Variants in DLC1 observed in about 807,000 individuals in gnomAD.
DLC1 encodes rho GTPase-activating protein 7.
In DLC1, 54 loss-of-function variants were observed where a neutral mutation model predicts 140.3. The ratio of observed to expected loss-of-function variants is 0.38; its 90% confidence interval spans 0.31 to 0.48. The LOEUF is 0.48. Among genes scored for constraint, DLC1 ranks in the 20% least tolerant of loss-of-function variants. The pLI, the probability that DLC1 is intolerant of heterozygous loss-of-function variation, is 0.96. For synonymous variants in DLC1, 986 were observed against 728.1 expected, an observed-to-expected ratio of 1.35 and a Z score of -5.70; for missense variants, 2,536 against 1,907.0, an observed-to-expected ratio of 1.33 and a Z score of -6.14.
intron 1 of DLC1, among the ~76,000 whole-genome samples, chr8:13,544,197 AAC>A (rs3988455): frequency 0.023 from 3,357 of 144,542 alleles, 39 homozygotes; most frequent in African/African-American, 0.032. Flanking sequence ...CACACACACA[AAC>A]ACACACACAC....
At chr8:13,461,687 C>T (rs968153071) in intron 2 of DLC1, among the ~76,000 whole-genome samples, 11 of 152,078 alleles carry the variant, frequency 7.2e-5, no homozygotes, top group Non-Finnish European at 1.6e-4. Context: ...CCATCCTCTC[C>T]GCAAAGTGTT....
chr8:13,505,984 A>C lies in DLC1; in HGVS notation c.-125-5788T>G, dbSNP rs561285909. On this transcript the variant is annotated intron_variant, in intron 1 of 17. Coordinates refer to ENST00000276297, the MANE Select transcript of DLC1 (RefSeq NM_182643.3). ...CACTCACAGTACTTGGAAAGATGGC[A>C]ACTTTTGTATTCATCCCATCAAATG... 3.9e-5 allele frequency among the ~76,000 whole-genome samples: 6 copies of C among 152,330 alleles called. No individual in the cohort carries two copies. The South Asian group carries it at 1.2e-3, about 32-fold the overall frequency.
chr8:13,586,482 G>C (rs1049488824), intron 1 of DLC1, among the ~76,000 whole-genome samples: 52 of 152,020 alleles, frequency 3.4e-4, no homozygotes, highest in Non-Finnish European at 2.9e-5. Context: ...GTGTTCTCAT[G>C]GGGGAGAGCA....
chr8:13,374,738 T>C (rs1433803977), intron 4 of DLC1, among the ~76,000 whole-genome samples: 1 of 152,170 alleles, frequency 6.6e-6, no homozygotes, highest in Non-Finnish European at 1.5e-5. Context: ...ATCAAGGTAG[T>C]GCCATTGCAC....
intron 2 of DLC1, among the ~76,000 whole-genome samples, chr8:13,496,078 A>G (rs1227762312): frequency 6.6e-6 from 1 of 152,196 alleles, no homozygotes. Flanking sequence ...AGTTTTAAAT[A>G]TATAGACAAT....
rs149290545 is a variant in DLC1 at position 13,203,444 on chromosome 8, G to A, written c.1349-87787C>T. On this transcript the variant is annotated intron_variant, in intron 5 of 17. Coordinates refer to ENST00000276297, the MANE Select transcript of DLC1 (RefSeq NM_182643.3). ...TTCTATGGGTTTTAGAATTCTGTTGGAGATGAGTATTTCTAACCCTGGAAA... is the reference window on the plus strand; with the variant it reads ...TTCTATGGGTTTTAGAATTCTGTTGAAGATGAGTATTTCTAACCCTGGAAA... Among the ~76,000 whole-genome samples the A allele has an allele frequency of 6.9e-3, 1,057 of 152,300 alleles. 10 individuals carry two copies. The highest frequency in any genetic ancestry group is 0.024 in the African/African-American group (978 of 41,564).
chr8:13,409,395 C>G (rs1438242673), intron 2 of DLC1, among the ~76,000 whole-genome samples: 1 of 152,116 alleles, frequency 6.6e-6, no homozygotes, highest in Non-Finnish European at 1.5e-5. Context: ...ATGTCATCCT[C>G]TCCCTCATTT....
At chr8:13,502,513 G>A (rs2117214260) in intron 1 of DLC1, among the ~76,000 whole-genome samples, 1 of 152,142 alleles carries the variant, frequency 6.6e-6, no homozygotes, top group South Asian at 2.1e-4. Flanking sequence ...TGATTTGTAA[G>A]ATTTATAGTT....
chr8:13,552,019 GTA>G (rs534463053), intron 1 of DLC1, among the ~76,000 whole-genome samples: 1,925 of 138,432 alleles, frequency 0.014, 34 homozygotes, highest in African/African-American at 0.037. Flanking sequence ...ATATGTGTGT[GTA>G]TATATATATG....
At position 13,499,749 on chromosome 8, in the gene DLC1, A is replaced by C; in HGVS notation, c.323T>G (p.Val108Gly). Residue 108 changes from valine to glycine, a missense_variant, in exon 2 of 18, where the codon GTG becomes GGG. Physicochemically the swap from Val to Gly is moderately radical, Grantham distance 109. Transcript: ENST00000276297. ...LSLEASTETL[V>G]HVSDEDNNAD... ...ATTGTTATCCTCATCAGAAACATGC[A>C]CTAGTGTTTCTGTGCTGGCTTCCAG... 1.9e-6 allele frequency: 3 copies of C among 1,614,090 alleles called. No homozygotes were observed. Among genetic ancestry groups the C allele is most frequent in the Non-Finnish European group, 2.5e-6 (3 of 1,179,972 alleles).
chr8:13,361,624 T>C (rs1835231805), intron 4 of DLC1, among the ~76,000 whole-genome samples: 2 of 152,222 alleles, frequency 1.3e-5, no homozygotes, highest in South Asian at 4.1e-4. Flanking sequence ...TTTAAATAAG[T>C]AGAATGTGTT....
chr8:13,100,201 G>T lies in DLC1; in HGVS notation c.2136C>A (p.Asn712Lys), dbSNP rs1451827478. ...GMDEEKLKQL[N>K]CVEISALNGN... ...CATTGAGGGCGGAGATCTCCACGCAGTTGAGCTGCTTCAGCTTCTCCTCAT... is the reference window on the plus strand; with the variant it reads ...CATTGAGGGCGGAGATCTCCACGCATTTGAGCTGCTTCAGCTTCTCCTCAT... The change falls in exon 9 of 18, where the codon AAC becomes AAA. Residue 712 changes from asparagine (N) to lysine (K), a missense_variant. Transcript: ENST00000276297. 1.2e-6 allele frequency: 2 copies of T among 1,614,182 alleles called. No individual in the cohort carries two copies. The highest frequency in any genetic ancestry group is 1.7e-6 in the Non-Finnish European group (2 of 1,180,048).
chr8:13,529,827 G>A (rs959694111), intron 1 of DLC1, among the ~76,000 whole-genome samples: 1 of 152,096 alleles, frequency 6.6e-6, no homozygotes, highest in Non-Finnish European at 1.5e-5. Flanking sequence ...TGCATACTAA[G>A]TTGAATAACA....
chr8:13,543,453 T>C (rs12546450), intron 1 of DLC1, among the ~76,000 whole-genome samples: 18,273 of 152,166 alleles, frequency 0.12, 1,290 homozygotes, highest in Non-Finnish European at 0.14. Flanking sequence ...AGGAGGATTG[T>C]TGGATCAAAT....
At chr8:13,182,951 G>A (rs1363857420) in intron 5 of DLC1, among the ~76,000 whole-genome samples, 3 of 152,206 alleles carry the variant, frequency 2.0e-5, no homozygotes, top group East Asian at 1.9e-4. Context: ...CTATCCATGA[G>A]CATGGAATAT....
intron 1 of DLC1, among the ~76,000 whole-genome samples, chr8:13,512,890 G>A (rs370307949): frequency 1.1e-4 from 17 of 150,762 alleles, no homozygotes; most frequent in East Asian, 5.8e-4. Context: ...AGTGTTTATT[G>A]AAGGCATACT....
intron 2 of DLC1, among the ~76,000 whole-genome samples, chr8:13,464,766 T>TTATA (rs1299837929): frequency 1.3e-3 from 10 of 7,552 alleles, no homozygotes; most frequent in South Asian, 5.6e-3. Context: ...ATATATATAT[T>TTATA]TATATATATA....
intron 5 of DLC1, among the ~76,000 whole-genome samples, chr8:13,279,667 A>G (rs1267139980): frequency 6.6e-6 from 1 of 152,204 alleles, no homozygotes; most frequent in East Asian, 1.9e-4. Flanking sequence ...TCAACCCCTT[A>G]TGGATAAATC....
intron 3 of DLC1, among the ~76,000 whole-genome samples, chr8:13,399,462 A>G (rs1351428933): frequency 1.3e-5 from 2 of 152,140 alleles, no homozygotes; most frequent in Non-Finnish European, 2.9e-5. Context: ...CACATTTCTC[A>G]TGGTAGGACT....
Sources: gnomAD v4.1 joint callset for allele counts (sites outside exome capture counted in the v4.1 genomes callset) on GRCh38, gnomAD v4.1.1 for gene constraint, MANE v1.5 for transcripts, NCBI Gene and HGNC (gene_info 2026-07-23, HGNC 2026-07-21) for gene names.